Variants in CPNE4 observed in about 807,000 individuals in gnomAD.
The protein encoded by CPNE4 is copine-4.
In CPNE4, 25 loss-of-function variants were observed where a neutral mutation model predicts 67.9. The ratio of observed to expected loss-of-function variants is 0.37; its 90% CI spans 0.27 to 0.51. The LOEUF is 0.51. CPNE4 is among the 20% of genes least tolerant of loss of function. CPNE4 has a pLI of 0.93. For missense variants in CPNE4, 464 were observed against 690.8 expected (o/e 0.67, Z 3.68); for synonymous variants, 242 against 244.9 (o/e 0.99, Z 0.11).
At chr3:131,627,398 C>T (rs193152982) in intron 7 of CPNE4, among the ~76,000 whole-genome samples, 8 of 152,192 alleles carry the variant, frequency 5.3e-5, no homozygotes, top group Admixed American at 1.3e-4. Flanking sequence ...TCATTGAAAA[C>T]ACACCTAGTC....
At chr3:131,826,455 G>A (rs1349652510) in intron 2 of CPNE4, among the ~76,000 whole-genome samples, 26 of 152,258 alleles carry the variant, frequency 1.7e-4, no homozygotes. Context: ...GCCTCAGCCT[G>A]TCAAAATGTT....
At chr3:131,615,921 A>G (rs1365151075) in intron 7 of CPNE4, among the ~76,000 whole-genome samples, 4 of 89,512 alleles carry the variant, frequency 4.5e-5, no homozygotes, top group African/African-American at 3.5e-4. Flanking sequence ...ACACACACAC[A>G]CACACACGCA....
At chr3:131,561,811 TCTGC>T (rs1371400260) in intron 11 of CPNE4, among the ~76,000 whole-genome samples, 2 of 152,056 alleles carry the variant, frequency 1.3e-5, no homozygotes, top group African/African-American at 4.8e-5. Context: ...ATTTCCTGAC[TCTGC>T]CTGTCTATTG....
At chr3:131,752,518 A>C (rs976104051) in intron 2 of CPNE4, among the ~76,000 whole-genome samples, 1 of 152,018 alleles carries the variant, frequency 6.6e-6, no homozygotes, top group African/African-American at 2.4e-5. Context: ...AATCACCACT[A>C]TGTCATTTTC....
intron 9 of CPNE4, among the ~76,000 whole-genome samples, chr3:131,580,394 ATATAC>A: frequency 1.1e-4 from 1 of 8,794 alleles, no homozygotes; most frequent in South Asian, 6.0e-3. Flanking sequence ...GCCTCTATAC[ATATAC>A]ATATACATAT....
intron 2 of CPNE4, among the ~76,000 whole-genome samples, chr3:131,750,036 T>C (rs537713709): frequency 2.0e-4 from 30 of 152,284 alleles, no homozygotes; most frequent in African/African-American, 7.2e-4. Context: ...CTTAGGTCTC[T>C]CTTACTCTTC....
At chr3:131,555,419 T>G in intron 12 of CPNE4, 78 bp downstream of exon 12, 32 of 1,288,680 alleles carry the variant, frequency 2.5e-5, no homozygotes, top group Non-Finnish European at 3.3e-5. Flanking sequence ...GTCAGGAGTG[T>G]GAGACTGCTG....
chr3:131,840,086 T>C (rs542053942), intron 2 of CPNE4, among the ~76,000 whole-genome samples: 1 of 152,216 alleles, frequency 6.6e-6, no homozygotes, highest in African/African-American at 2.4e-5. Flanking sequence ...CATGAGGGGT[T>C]AGGTTAGTAA....
intron 2 of CPNE4, among the ~76,000 whole-genome samples, chr3:131,823,862 C>T (rs1222034889): frequency 1.3e-5 from 2 of 152,164 alleles, no homozygotes; most frequent in Non-Finnish European, 2.9e-5. Context: ...CTAGTATGCA[C>T]ATTAAAACTT....
Position 131,697,412 on chromosome 3 carries a change from G to T in CPNE4, c.433-796C>A, listed in dbSNP as rs541571295. Among the ~76,000 whole-genome samples, 3 of 152,234 alleles carry T rather than the reference G, an allele frequency of 2.0e-5. No homozygotes were observed. The East Asian group carries it at 5.8e-4, about 29-fold the overall frequency. ...TTCTGTGGCCACAGCACATGGATAC[G>T]CTTATCAAATTGCTTATATCAAGAT... On this transcript the variant is annotated intron_variant, in intron 4 of 15. Coordinates refer to ENST00000429747, the MANE Select transcript of CPNE4 (RefSeq NM_130808.3).
intron 7 of CPNE4, among the ~76,000 whole-genome samples, chr3:131,614,292 T>C (rs1940014558): frequency 6.6e-6 from 1 of 152,200 alleles, no homozygotes; most frequent in East Asian, 1.9e-4. Flanking sequence ...TTTAAAATCA[T>C]GGTCACTGCC....
chr3:131,680,820 C>T (rs1029367774), intron 6 of CPNE4, among the ~76,000 whole-genome samples: 16 of 152,062 alleles, frequency 1.1e-4, no homozygotes, highest in African/African-American at 3.6e-4. Context: ...CGCTCAACCC[C>T]CTCCCACCCT....
intron 2 of CPNE4, among the ~76,000 whole-genome samples, chr3:131,903,357 G>T (rs2088622102): frequency 6.6e-6 from 1 of 151,606 alleles, no homozygotes; most frequent in Admixed American, 6.6e-5. Flanking sequence ...ATTCACATCA[G>T]CTAGATCTTT....
In CPNE4 at chr3:131,861,309, T is replaced by C. The variant is rs139720011; in HGVS notation, c.180+43955A>G. On this transcript the variant is annotated intron_variant, in intron 2 of 15. Transcript: ENST00000429747. ...CTGATTCTGCTGCAGAAAACTCTCC[T>C]GATTCAAAGATTAAGGATTTGAACT... 4.7e-3 allele frequency among the ~76,000 whole-genome samples: 720 copies of C among 152,290 alleles called. 8 individuals carry two copies. The highest frequency in any genetic ancestry group is 0.015 in the African/African-American group (635 of 41,582).
intron 3 of CPNE4, among the ~76,000 whole-genome samples, chr3:131,713,221 G>C (rs1485014967): frequency 6.6e-6 from 1 of 152,092 alleles, no homozygotes; most frequent in Non-Finnish European, 1.5e-5. Context: ...GCTTGTAGAA[G>C]TATCATACTA....
At chr3:131,944,445 C>T (rs6806898) in intron 1 of CPNE4, among the ~76,000 whole-genome samples, 27,900 of 151,874 alleles carry the variant, frequency 0.18, 3,303 homozygotes, top group African/African-American at 0.34. Flanking sequence ...TTCCTGCCCA[C>T]AGGTTGCTCC....
intron 7 of CPNE4, 85 bp downstream of exon 7, chr3:131,669,590 G>T: frequency 9.2e-7 from 1 of 1,090,628 alleles, no homozygotes; most frequent in Non-Finnish European, 1.4e-6. Context: ...GAAAATTTGG[G>T]GTTTGTCAAT....
At chr3:131,580,173 T>A (rs1451403071) in intron 9 of CPNE4, among the ~76,000 whole-genome samples, 3 of 152,174 alleles carry the variant, frequency 2.0e-5, no homozygotes, top group East Asian at 3.8e-4. Flanking sequence ...AGATTATGAC[T>A]TACTCAAGGC....
chr3:131,799,591 C>T (rs554823592), intron 2 of CPNE4, among the ~76,000 whole-genome samples: 13 of 152,244 alleles, frequency 8.5e-5, no homozygotes, highest in African/African-American at 1.7e-4. Context: ...TATTCTTTCA[C>T]GACCTCCTCC....
Sources: gnomAD v4.1 joint callset for allele counts (sites outside exome capture counted in the v4.1 genomes callset) on GRCh38, gnomAD v4.1.1 for gene constraint, MANE v1.5 for transcripts, NCBI Gene and HGNC (gene_info 2026-07-23, HGNC 2026-07-21) for gene names.